The following CDC42BPA variants were observed in gnomAD, a reference collection of about 807,000 sequenced individuals.
The protein encoded by CDC42BPA is CDC42 binding protein kinase alpha.
In CDC42BPA, 80 loss-of-function variants were observed where a neutral mutation model predicts 223.5. The ratio of observed to expected loss-of-function variants is 0.36; its 90% CI spans 0.30 to 0.43. CDC42BPA has a LOEUF of 0.43. CDC42BPA is among the 20% of genes least tolerant of loss of function. The pLI, the probability that CDC42BPA is intolerant of heterozygous loss-of-function variation, is 1.00. For synonymous variants in CDC42BPA, 694 were observed against 718.6 expected (o/e 0.97, Z 0.55); for missense variants, 1,743 against 2,099.9 (o/e 0.83, Z 3.32).
At chr1:227,133,987 A>ATAAATAAG (rs1375416874) in intron 10 of CDC42BPA, among the ~76,000 whole-genome samples, 9 of 151,586 alleles carry the variant, frequency 5.9e-5, no homozygotes, top group Admixed American at 2.6e-4. Flanking sequence ...AAATAAATAA[A>ATAAATAAG]TAAATAAATA....
At position 227,176,340 on chromosome 1, in the gene CDC42BPA, C is replaced by T. The variant is rs150817866; in HGVS notation, c.600-15704G>A. On this transcript the variant is annotated intron_variant, in intron 5 of 36. Transcript: ENST00000366766. ...CATCAGCATCTCCTTTCTTCTACAC[C>T]AAGAATTCTGATTCTTAACATAAGG... 6.0e-3 allele frequency among the ~76,000 whole-genome samples: 913 copies of T among 152,190 alleles called. 10 individuals carry two copies. Among genetic ancestry groups the T allele is most frequent in the African/African-American group, 0.021 (860 of 41,528 alleles).
chr1:227,301,552 G>T (rs1691631970), intron 1 of CDC42BPA, among the ~76,000 whole-genome samples: 1 of 152,054 alleles, frequency 6.6e-6, no homozygotes, highest in Non-Finnish European at 1.5e-5. Context: ...TACAGACAGG[G>T]TTTCACTATG....
chr1:227,064,058 G>A (rs1016818558), intron 21 of CDC42BPA, among the ~76,000 whole-genome samples: 2 of 152,148 alleles, frequency 1.3e-5, no homozygotes, highest in Non-Finnish European at 2.9e-5. Flanking sequence ...TTATATGCCA[G>A]AATATAAGAA....
intron 34 of CDC42BPA, among the ~76,000 whole-genome samples, chr1:227,013,487 A>C (rs1665614098): frequency 6.6e-6 from 1 of 152,008 alleles, no homozygotes; most frequent in Non-Finnish European, 1.5e-5. Context: ...TTGAAATCTG[A>C]CATTTTGGCA....
chr1:227,284,788 C>T (rs1005733824), intron 1 of CDC42BPA, among the ~76,000 whole-genome samples: 2 of 151,984 alleles, frequency 1.3e-5, no homozygotes, highest in Admixed American at 6.6e-5. Context: ...TGGCAAAACC[C>T]TGTCTCTACC....
In CDC42BPA at chr1:227,091,885, C is replaced by T. The variant is rs1364812198; in HGVS notation, c.2355+1G>A. On this transcript the variant is annotated splice_donor_variant, in intron 16 of 36. Transcript: ENST00000366766. LOFTEE classifies it high-confidence loss of function. ...AATTAATATGAGATTAAATCACTCA[C>T]CTTATCAAGTTCACTCGTCAGCTTT... 1 of 1,535,290 alleles carries T rather than the reference C, an allele frequency of 6.5e-7. No homozygotes were observed. Among genetic ancestry groups the T allele is most frequent in the African/African-American group, 1.4e-5 (1 of 73,256 alleles).
At chr1:227,291,898 C>G (rs1489061252) in intron 1 of CDC42BPA, among the ~76,000 whole-genome samples, 1 of 151,964 alleles carries the variant, frequency 6.6e-6, no homozygotes, top group Non-Finnish European at 1.5e-5. Context: ...ATCATAAATT[C>G]AATAAATAAA....
At chr1:227,200,906 C>T (rs183033506) in intron 3 of CDC42BPA, among the ~76,000 whole-genome samples, 2 of 152,104 alleles carry the variant, frequency 1.3e-5, no homozygotes, top group Non-Finnish European at 2.9e-5. Context: ...GAAATAATAT[C>T]ATTATTCCTT....
intron 20 of CDC42BPA, among the ~76,000 whole-genome samples, chr1:227,070,210 AG>A (rs1188795049): frequency 1.3e-5 from 2 of 151,908 alleles, no homozygotes; most frequent in African/African-American, 4.8e-5. Context: ...AACACCAAAC[AG>A]GCTTATGTTT....
intron 16 of CDC42BPA, 23 bp from the exon 17 acceptor site, chr1:227,081,040 G>C (rs763941042): frequency 1.9e-6 from 3 of 1,611,650 alleles, no homozygotes; most frequent in African/African-American, 1.3e-5. Flanking sequence ...TTTAAGACAT[G>C]CATGACTTTT....
intron 34 of CDC42BPA, among the ~76,000 whole-genome samples, chr1:227,015,422 C>CT: frequency 6.6e-6 from 1 of 151,178 alleles, no homozygotes; most frequent in Admixed American, 6.6e-5. Flanking sequence ...GACTCCATCT[C>CT]AAAAAAAGAA....
chr1:227,036,706 G>T (rs1670342218), intron 24 of CDC42BPA, among the ~76,000 whole-genome samples: 1 of 147,024 alleles, frequency 6.8e-6, no homozygotes, highest in Non-Finnish European at 1.5e-5. Flanking sequence ...TGAGATTACA[G>T]GCGTTGAGCC....
chr1:227,244,807 T>C (rs900783019), intron 2 of CDC42BPA, among the ~76,000 whole-genome samples: 6 of 152,188 alleles, frequency 3.9e-5, no homozygotes, highest in African/African-American at 1.4e-4. Flanking sequence ...TCTTGAATCA[T>C]GGATGCCACC....
intron 2 of CDC42BPA, chr1:227,234,668 C>T (rs1678657877): frequency 6.6e-6 from 1 of 152,254 alleles, no homozygotes; most frequent in African/African-American, 2.4e-5. Context: ...TTCTATCCAC[C>T]ACGTGAGCAC....
chr1:227,180,733 T>C (rs559015237), intron 5 of CDC42BPA, among the ~76,000 whole-genome samples: 1 of 152,374 alleles, frequency 6.6e-6, no homozygotes, highest in Non-Finnish European at 1.5e-5. Flanking sequence ...TTTTGTCATC[T>C]AAAACTGAAG....
At position 227,065,097 on chromosome 1, in the gene CDC42BPA, AAAAT is replaced by A. The variant is rs61601477; in HGVS notation, c.2904+4676_2904+4679del. 5.0e-3 allele frequency among the ~76,000 whole-genome samples: 740 copies of A among 148,822 alleles called. 4 individuals are homozygous for A. Among genetic ancestry groups the A allele is most frequent in the African/African-American group, 0.017 (687 of 39,846 alleles). ...GTGTGAGAGAGCGAGACTCCATCTC[AAAAT>A]AAATAAATAAATAAATAAATAAATT... On this transcript the variant is annotated intron_variant, in intron 21 of 36. Coordinates refer to ENST00000366766, the MANE Select transcript of CDC42BPA (RefSeq NM_001394014.1).
intron 2 of CDC42BPA, among the ~76,000 whole-genome samples, chr1:227,214,232 A>G (rs1674441432): frequency 6.6e-6 from 1 of 152,130 alleles, no homozygotes; most frequent in Non-Finnish European, 1.5e-5. Context: ...AAAACTTAAT[A>G]GCAAATGTGC....
chr1:227,220,282 T>TTATATATATATATATA (rs368690606), intron 2 of CDC42BPA, among the ~76,000 whole-genome samples: 36 of 100,822 alleles, frequency 3.6e-4, no homozygotes, highest in Admixed American at 2.4e-3. Context: ...AAAAGTCATG[T>TTATATATATATATATA]TATATATATA....
intron 6 of CDC42BPA, among the ~76,000 whole-genome samples, chr1:227,157,775 C>T (rs1663084086): frequency 2.0e-5 from 3 of 152,026 alleles, no homozygotes; most frequent in Admixed American, 6.6e-5. Flanking sequence ...TCTTCAAGTT[C>T]ACTGGCTGTT....
Sources: allele counts gnomAD v4.1 joint callset (sites outside exome capture counted in the v4.1 genomes callset), GRCh38; gene constraint gnomAD v4.1.1; transcripts MANE v1.5; gene names NCBI Gene and HGNC (gene_info 2026-07-23, HGNC 2026-07-21).